The following MRPS6 variants were observed in gnomAD, a reference collection of about 807,000 sequenced individuals.
The protein encoded by MRPS6 is mitochondrial ribosomal protein S6.
Under a neutral mutation model 13.1 loss-of-function variants are expected in MRPS6, and 6 were observed. The observed-to-expected ratio is 0.46, with a 90% CI of 0.25 to 0.91. The LOEUF is 0.91. Ranked by LOEUF, MRPS6 falls within the 40% of genes least tolerant of loss-of-function variation. The pLI is 0.18. For synonymous variants in MRPS6, 61 were observed against 56.5 expected (o/e 1.08, Z -0.36); for missense variants, 164 against 155.6 (o/e 1.05, Z -0.29).
At position 34,096,912 on chromosome 21, in the gene MRPS6, A is replaced by G; in HGVS notation, c.45+23167A>G. 1 of 1,614,186 alleles carries G rather than the reference A, an allele frequency of 6.2e-7. No homozygotes were observed. Among genetic ancestry groups the G allele is most frequent in the Non-Finnish European group, 8.5e-7 (1 of 1,180,010 alleles). ...ACCATACAAAATGCAAGAAAAGAGC[A>G]TTCTGAGATGCAGTGAGAATAATGA... On this transcript the variant is annotated intron_variant, in intron 1 of 2. Coordinates refer to ENST00000399312, the MANE Select transcript of MRPS6 (RefSeq NM_032476.4). This position sits in a 1 kb window ranked among gnomAD's most constrained non-coding sequence, Gnocchi z 5.9.
chr21:34,091,862 T>C (rs1978712507), intron 1 of MRPS6, among the ~76,000 whole-genome samples: 1 of 152,130 alleles, frequency 6.6e-6, no homozygotes, highest in Non-Finnish European at 1.5e-5. Context: ...AGAAGCTTTT[T>C]AAGAAAAAAA....
intron 1 of MRPS6, among the ~76,000 whole-genome samples, chr21:34,093,808 C>T (rs1257447363): frequency 6.6e-6 from 1 of 152,158 alleles, no homozygotes; most frequent in African/African-American, 2.4e-5. Context: ...ATTTAAATGT[C>T]TGTTTTGCAG....
At chr21:34,142,375 T>G in intron 2 of MRPS6, 33 bp from the exon 3 acceptor site, 1 of 1,541,774 alleles carries the variant, frequency 6.5e-7, no homozygotes, top group East Asian at 2.3e-5. Flanking sequence ...ACAATTCAAA[T>G]GCAGACACTC....
intron 1 of MRPS6, among the ~76,000 whole-genome samples, chr21:34,087,148 G>T (rs1978429958): frequency 2.0e-5 from 3 of 152,206 alleles, no homozygotes; most frequent in African/African-American, 4.8e-5. Flanking sequence ...GGGCCACTGA[G>T]ATTTTTATCT....
chr21:34,108,460 TTA>T (rs1979569774), intron 1 of MRPS6, among the ~76,000 whole-genome samples: 1 of 152,148 alleles, frequency 6.6e-6, no homozygotes, highest in South Asian at 2.1e-4. Context: ...GAAGTACACT[TTA>T]TGATTGTACA....
intron 1 of MRPS6, chr21:34,101,220 A>G (rs574691493): frequency 3.0e-6 from 3 of 1,000,076 alleles, no homozygotes; most frequent in African/African-American, 1.7e-5. Flanking sequence ...AAATCTGCAT[A>G]TGTAGAATCA....
At chr21:34,127,260 A>G (rs546354019) in intron 2 of MRPS6, among the ~76,000 whole-genome samples, 1 of 152,206 alleles carries the variant, frequency 6.6e-6, no homozygotes, top group Non-Finnish European at 1.5e-5. Context: ...GGGGAGGTTC[A>G]TGCTTTAAGC....
chr21:34,079,499 G>A (rs1182235706), intron 1 of MRPS6, among the ~76,000 whole-genome samples: 2 of 151,108 alleles, frequency 1.3e-5, no homozygotes, highest in Non-Finnish European at 2.9e-5. Flanking sequence ...GCAGTGGCAC[G>A]ATCTCGGCTC....
At chr21:34,137,071 A>G (rs895735044) in intron 2 of MRPS6, among the ~76,000 whole-genome samples, 1 of 152,182 alleles carries the variant, frequency 6.6e-6, no homozygotes, top group African/African-American at 2.4e-5. Context: ...CTTGATGGCC[A>G]TAGCTTTATA....
chr21:34,085,935 T>A (rs1201263921), intron 1 of MRPS6, among the ~76,000 whole-genome samples: 1 of 152,144 alleles, frequency 6.6e-6, no homozygotes, highest in African/African-American at 2.4e-5. Context: ...CGTAGTGCCT[T>A]TACACCTAAC....
chr21:34,093,504 AC>A (rs1010048775), intron 1 of MRPS6, among the ~76,000 whole-genome samples: 1 of 152,112 alleles, frequency 6.6e-6, no homozygotes, highest in Non-Finnish European at 1.5e-5. Context: ...AGTTTCTAAT[AC>A]TGTGGTCTGT....
chr21:34,087,503 G>C (rs1410754839), intron 1 of MRPS6, among the ~76,000 whole-genome samples: 2 of 152,056 alleles, frequency 1.3e-5, no homozygotes, highest in Non-Finnish European at 2.9e-5. Context: ...ACATGGTAGT[G>C]AGGAGACAGA....
chr21:34,087,726 G>A (rs567797411), intron 1 of MRPS6, among the ~76,000 whole-genome samples: 2 of 152,344 alleles, frequency 1.3e-5, no homozygotes, highest in African/African-American at 2.4e-5. Flanking sequence ...GTGATGAAAG[G>A]GTTGACTGCT....
chr21:34,103,747 TG>T (rs1979353528), intron 1 of MRPS6: 1 of 999,560 alleles, frequency 1.0e-6, no homozygotes, highest in East Asian at 1.1e-4. Flanking sequence ...CTGGTCCTAA[TG>T]GTAAGGGACC....
chr21:34,142,408 G>T lies in MRPS6; in HGVS notation c.186G>T (p.Gly62=). 1 of 1,564,402 alleles carries T rather than the reference G, an allele frequency of 6.4e-7. No homozygotes were observed. Among genetic ancestry groups the T allele is most frequent in the Non-Finnish European group, 8.6e-7 (1 of 1,157,948 alleles). ...CTCACAAGTTTTTATTTTATTGCAG[G>T]TATTTCTTGGTGGATTTTTATGCAC... ...SAHSQQHNRG[G]YFLVDFYAPT... is the part of the protein sequence containing the mutation. Residue 62 remains glycine (G), a splice_region_variant and synonymous_variant, in exon 3 of 3, where the codon GGG becomes GGT. Transcript: ENST00000399312.
intron 1 of MRPS6, among the ~76,000 whole-genome samples, chr21:34,078,320 G>A (rs1228777742): frequency 1.3e-5 from 2 of 152,136 alleles, no homozygotes; most frequent in Non-Finnish European, 2.9e-5. Context: ...TTGGGTTACA[G>A]CTTATTGCCG....
intron 1 of MRPS6, among the ~76,000 whole-genome samples, chr21:34,106,665 T>C (rs1298266495): frequency 1.3e-5 from 2 of 152,244 alleles, no homozygotes; most frequent in African/African-American, 2.4e-5. Context: ...CCATTTGAGA[T>C]ACTATTTGCA....
chr21:34,088,586 C>A (rs1042141008), intron 1 of MRPS6, among the ~76,000 whole-genome samples: 5 of 152,174 alleles, frequency 3.3e-5, no homozygotes, highest in Admixed American at 3.3e-4. Flanking sequence ...TTATCAATAT[C>A]GTTAATGTTT....
chr21:34,097,260 C>G, intron 1 of MRPS6: 1 of 1,613,958 alleles, frequency 6.2e-7, no homozygotes, highest in Non-Finnish European at 8.5e-7. Context: ...TTTACAGATG[C>G]TAGAAGAGAC....
Sources: allele counts gnomAD v4.1 joint callset (sites outside exome capture counted in the v4.1 genomes callset), GRCh38; gene constraint gnomAD v4.1.1; non-coding constraint Gnocchi (gnomAD v3.1); transcripts MANE v1.5; gene names NCBI Gene and HGNC (gene_info 2026-07-23, HGNC 2026-07-21).